HLTF: variants seen among roughly 807,000 people sequenced by gnomAD.
The protein encoded by HLTF is helicase like transcription factor.
A neutral mutation model predicts 129.4 loss-of-function variants in HLTF; 127 were observed. The ratio of observed to expected loss-of-function variants is 0.98; its 90% confidence interval spans 0.85 to 1.14. The LOEUF (loss-of-function observed/expected upper bound fraction) is 1.14, where lower values mean the gene tolerates loss of function less well. Ranked by LOEUF, HLTF falls within the 50% of genes most tolerant of loss-of-function variation. HLTF has a pLI of 0.00. For synonymous variants in HLTF, 332 were observed against 388.8 expected, an observed-to-expected ratio of 0.85 and a Z score of 1.72; for missense variants, 1,139 against 1,187.1, an observed-to-expected ratio of 0.96 and a Z score of 0.60.
In HLTF at chr3:149,032,188, C is replaced by T; in HGVS notation, c.*32G>A. 1 of 1,467,804 alleles carries T rather than the reference C, an allele frequency of 6.8e-7. No individual in the cohort carries two copies. The highest frequency in any genetic ancestry group is 1.9e-4 in the Middle Eastern group (1 of 5,218). The allele number at this position is 1,467,804 out of a possible 1,614,324, so 90.9% of individuals were successfully genotyped here. A position where few individuals can be genotyped will look rare whatever the true frequency, so the allele number is the denominator to read the frequency against. ...TTCTCATTTCTAAAACTTAAGTATCCAATCAAACTGACCTTACTAAAATCC... is the reference window on the plus strand; with the variant it reads ...TTCTCATTTCTAAAACTTAAGTATCTAATCAAACTGACCTTACTAAAATCC... On this transcript the variant is annotated 3_prime_UTR_variant, in exon 25 of 25. Transcript: ENST00000310053.
chr3:149,075,378 T>A (rs1376358732), intron 3 of HLTF, among the ~76,000 whole-genome samples: 2 of 151,994 alleles, frequency 1.3e-5, no homozygotes, highest in East Asian at 3.9e-4. Flanking sequence ...CAAATCTCTG[T>A]CTCTACTAAA....
rs904662025 is a variant in HLTF, at chr3:149,030,739, G to A, written c.*1481C>T. ...CCTGCAGAAAGGTCTTGGTTTTGAT[G>A]AAAATCAGCCCTTTCCTTACCTGCT... On this transcript the variant is annotated 3_prime_UTR_variant, in exon 25 of 25. Transcript: ENST00000310053. 6.6e-6 allele frequency: 1 copy of A among 152,144 alleles called. No homozygotes were observed. The highest frequency in any genetic ancestry group is 1.5e-5 in the Non-Finnish European group (1 of 68,012). 9.4% of individuals were successfully genotyped at this position (152,144 alleles called of 1,614,324 possible).
At chr3:149,041,415 T>G in intron 20 of HLTF, 75 bp downstream of exon 20, 1 of 921,778 alleles carries the variant, frequency 1.1e-6, no homozygotes. Context: ...AAACTCCATA[T>G]ACTATCTTTT....
intron 1 of HLTF, among the ~76,000 whole-genome samples, chr3:149,085,719 T>C (rs1405050543): frequency 3.9e-5 from 6 of 152,164 alleles, no homozygotes; most frequent in Non-Finnish European, 7.3e-5. Context: ...CCGCCTTCCG[T>C]CGCCGGTTTA....
At position 149,055,359 on chromosome 3, in the gene HLTF, C is replaced by A. The variant is rs760061545; in HGVS notation, c.1417G>T (p.Glu473Ter). Residue 473 changes from glutamate to a stop codon, truncating the protein, a stop_gained, in exon 14 of 25, where the codon GAG (glutamate) becomes TAG (stop). Transcript: ENST00000310053. LOFTEE classifies it high-confidence loss of function. ...ATGATCAGTGTTGTTCTTGGTCTCT[C>A]CTCAACATCAGTTTTCTTTGACCCC... ...VEGSKKTDVEERPRTTLIICP... is the reference protein window; with the variant it reads ...VEGSKKTDVE The A allele has an allele frequency of 1.7e-5, 28 of 1,613,826 alleles. No homozygotes were observed. Among genetic ancestry groups the A allele is most frequent in the Non-Finnish European group, 2.1e-5 (25 of 1,179,914 alleles).
intron 13 of HLTF, among the ~76,000 whole-genome samples, chr3:149,055,818 G>T (rs1356820372): frequency 6.6e-6 from 1 of 152,206 alleles, no homozygotes; most frequent in Non-Finnish European, 1.5e-5. Context: ...ACTGGTCTGT[G>T]TGACCAACAG....
At chr3:149,058,897 C>T (rs967610929) in intron 13 of HLTF, among the ~76,000 whole-genome samples, 1 of 152,170 alleles carries the variant, frequency 6.6e-6, no homozygotes, top group African/African-American at 2.4e-5. Flanking sequence ...TCTATCTCAA[C>T]CGAAATTTCC....
At chr3:149,046,998 C>T (rs1218051304) in intron 17 of HLTF, among the ~76,000 whole-genome samples, 1 of 152,134 alleles carries the variant, frequency 6.6e-6, no homozygotes, top group African/African-American at 2.4e-5. Context: ...CACATTCTAT[C>T]CAGCAAAAAT....
intron 14 of HLTF, among the ~76,000 whole-genome samples, chr3:149,050,613 T>C (rs909133687): frequency 4.6e-5 from 7 of 152,222 alleles, no homozygotes; most frequent in Non-Finnish European, 1.0e-4. Context: ...GCTTCATTTT[T>C]AGGAGGAAAA....
At chr3:149,076,115 C>G in intron 2 of HLTF, 68 bp from the exon 3 acceptor site, 1 of 610,336 alleles carries the variant, frequency 1.6e-6, no homozygotes, top group Non-Finnish European at 2.7e-6. Context: ...TATACTTTAT[C>G]TGGGATTTCC....
chr3:149,047,195 A>G (rs1176768996), intron 17 of HLTF, among the ~76,000 whole-genome samples: 1 of 63,822 alleles, frequency 1.6e-5, no homozygotes. Context: ...TGCTTTAGCC[A>G]AAAAGTTGAA....
At chr3:149,039,025 GA>G in intron 23 of HLTF, 23 bp downstream of exon 23, 1 of 1,416,882 alleles carries the variant, frequency 7.1e-7, no homozygotes, top group Non-Finnish European at 9.4e-7. Flanking sequence ...CTAAGATTCT[GA>G]AAAAATTTAC....
At position 149,046,121 on chromosome 3, in the gene HLTF, A is replaced by C. The variant is rs772226314; in HGVS notation, c.2031T>G (p.Ile677Met). The change falls in exon 18 of 25, where the codon ATT becomes ATG. Residue 677 changes from isoleucine (I) to methionine (M), a missense_variant. By Grantham distance (10) the Ile-to-Met change is conservative. Coordinates refer to ENST00000310053, the MANE Select transcript of HLTF (RefSeq NM_003071.4). ...TGCCTTCATTTTTCACAGACTGATA[A>C]ATCTTTCTCTCTTCATCTGAAAGTG... ...HITLSDEERK[I>M]YQSVKNEGRA... The C allele has an allele frequency of 6.2e-7, 1 of 1,611,510 alleles. No individual in the cohort carries two copies.
intron 10 of HLTF, 127 bp from the exon 11 acceptor site, chr3:149,060,985 A>G (rs1334312521): frequency 4.6e-6 from 3 of 647,840 alleles, no homozygotes; most frequent in Middle Eastern, 4.1e-4. Context: ...AATTTTTTAA[A>G]GATTTTGACA....
At chr3:149,057,482 A>G (rs145215821) in intron 13 of HLTF, among the ~76,000 whole-genome samples, 112 of 152,296 alleles carry the variant, frequency 7.4e-4, no homozygotes, top group Middle Eastern at 3.4e-3. Flanking sequence ...AAACTCATGT[A>G]TATGGAAGGC....
At chr3:149,070,473 T>C (rs1024613574) in intron 7 of HLTF, among the ~76,000 whole-genome samples, 3 of 152,250 alleles carry the variant, frequency 2.0e-5, no homozygotes, top group Non-Finnish European at 2.9e-5. Context: ...GAGTTTGTAC[T>C]GCTATCTTTA....
intron 10 of HLTF, among the ~76,000 whole-genome samples, chr3:149,062,729 G>A (rs1043218298): frequency 6.6e-6 from 1 of 152,090 alleles, no homozygotes; most frequent in Non-Finnish European, 1.5e-5. Flanking sequence ...AAACGATCAA[G>A]AATGCTTTTG....
chr3:149,049,073 AGTT>A (rs1716779627), intron 15 of HLTF, 72 bp from the exon 16 acceptor site: 18 of 997,556 alleles, frequency 1.8e-5, no homozygotes, highest in Middle Eastern at 2.1e-4. Flanking sequence ...TTTGCTAACT[AGTT>A]GTTATCATTA....
intron 8 of HLTF, among the ~76,000 whole-genome samples, chr3:149,067,195 T>TACAC (rs955114105): frequency 1.3e-5 from 2 of 150,414 alleles, no homozygotes; most frequent in Non-Finnish European, 3.0e-5. Flanking sequence ...TGTATATATA[T>TACAC]ACACACACAC....
Sources: allele counts gnomAD v4.1 joint callset (sites outside exome capture counted in the v4.1 genomes callset), GRCh38; gene constraint gnomAD v4.1.1; transcripts MANE v1.5; gene names NCBI Gene and HGNC (gene_info 2026-07-23, HGNC 2026-07-21).